SAMD4A: variants seen among roughly 807,000 people sequenced by gnomAD.
SAMD4A encodes protein Smaug homolog 1.
A neutral mutation model predicts 81.3 loss-of-function variants in SAMD4A; 33 were observed. The ratio of observed to expected loss-of-function variants is 0.41; its 90% CI spans 0.31 to 0.54. The LOEUF (loss-of-function observed/expected upper bound fraction) is 0.54, where lower values mean the gene tolerates loss of function less well. Ranked by LOEUF, SAMD4A falls within the 20% of genes least tolerant of loss-of-function variation. SAMD4A has a pLI of 0.37. For synonymous variants in SAMD4A, 389 were observed against 382.1 expected, an observed-to-expected ratio of 1.02 and a Z score of -0.21; for missense variants, 854 against 951.1, an observed-to-expected ratio of 0.90 and a Z score of 1.34.
chr14:54,678,433 T>TGTG (rs2036040355), intron 2 of SAMD4A, among the ~76,000 whole-genome samples: 8 of 81,252 alleles, frequency 9.8e-5, no homozygotes, highest in East Asian at 4.8e-4. Context: ...CAGTCACCAT[T>TGTG]TGTGTGTGTG....
intron 2 of SAMD4A, among the ~76,000 whole-genome samples, chr14:54,636,231 A>G (rs1332936537): frequency 1.3e-5 from 2 of 152,146 alleles, no homozygotes; most frequent in African/African-American, 4.8e-5. Context: ...AGGTTGTTTC[A>G]TGCACTGGGA....
chr14:54,679,117 G>A (rs898230573), intron 2 of SAMD4A, among the ~76,000 whole-genome samples: 6 of 152,202 alleles, frequency 3.9e-5, no homozygotes, highest in Admixed American at 1.3e-4. Context: ...GGGGAAACTC[G>A]CAGATAAGCT....
chr14:54,682,854 C>G (rs922494257), intron 2 of SAMD4A, among the ~76,000 whole-genome samples: 1 of 152,168 alleles, frequency 6.6e-6, no homozygotes, highest in Non-Finnish European at 1.5e-5. Context: ...AATAGGCCTG[C>G]TGAAAGAAAG....
intron 9 of SAMD4A, among the ~76,000 whole-genome samples, chr14:54,773,711 G>T (rs1566632397): frequency 6.6e-6 from 1 of 152,256 alleles, no homozygotes; most frequent in Non-Finnish European, 1.5e-5. Context: ...AGTGAAGGCA[G>T]TCTGTGTCCT....
intron 2 of SAMD4A, among the ~76,000 whole-genome samples, chr14:54,633,728 C>A (rs1031568067): frequency 6.6e-6 from 1 of 152,010 alleles, no homozygotes; most frequent in Admixed American, 6.5e-5. Context: ...AGAGGTATGA[C>A]CTTGGGCAAT....
At chr14:54,727,166 CTTTTTTTTTTTTTTTTTTTTTTTT>C (rs567831973) in intron 3 of SAMD4A, among the ~76,000 whole-genome samples, 30 of 59,186 alleles carry the variant, frequency 5.1e-4, no homozygotes, top group African/African-American at 5.4e-4. Flanking sequence ...TCTTTTTTTC[CTTTTTTTTTTTTTTTTTTTTTTTT>C]TTTTTTTTTT....
chr14:54,717,944 A>G (rs1430869065), intron 3 of SAMD4A, among the ~76,000 whole-genome samples: 3 of 141,386 alleles, frequency 2.1e-5, no homozygotes, highest in Non-Finnish European at 4.5e-5. Flanking sequence ...AAAGCTGTGT[A>G]TGGTCACAGT....
At chr14:54,683,477 G>A (rs538885340) in intron 2 of SAMD4A, among the ~76,000 whole-genome samples, 1 of 152,102 alleles carries the variant, frequency 6.6e-6, no homozygotes, top group African/African-American at 2.4e-5. Context: ...AACCATCCAC[G>A]ATACTTCATG....
At chr14:54,772,095 A>ATTAAT (rs1237474417) in intron 9 of SAMD4A, among the ~76,000 whole-genome samples, 1 of 152,230 alleles carries the variant, frequency 6.6e-6, no homozygotes, top group Non-Finnish European at 1.5e-5. Flanking sequence ...TTTTTGTGCT[A>ATTAAT]TTAATTTGCT....
rs150239461 is a variant in SAMD4A at position 54,593,648 on chromosome 14, A to T, written c.196+25536A>T. Reference sequence around the variant, plus strand: ...TTAGTTTCGCTTAATTTTGATTGAAAAATGGCCCCCCTCTAAAGGCTGGAA... The same window carrying T: ...TTAGTTTCGCTTAATTTTGATTGAATAATGGCCCCCCTCTAAAGGCTGGAA... On this transcript the variant is annotated intron_variant, in intron 2 of 12. Coordinates refer to ENST00000554335, the MANE Select transcript of SAMD4A (RefSeq NM_015589.6). Among the ~76,000 whole-genome samples the T allele has an allele frequency of 3.9e-4, 60 of 152,300 alleles. No individual in the cohort carries two copies. In the East Asian group the frequency reaches 8.3e-3, roughly 21 times the overall value.
chr14:54,571,283 T>C (rs760831180), intron 2 of SAMD4A, among the ~76,000 whole-genome samples: 2 of 152,202 alleles, frequency 1.3e-5, no homozygotes, highest in Admixed American at 6.5e-5. Context: ...GTATGTGTTT[T>C]TCTTTTAACA....
intron 11 of SAMD4A, among the ~76,000 whole-genome samples, chr14:54,778,060 A>AGGAGATCTGTC (rs1183203720): frequency 2.6e-5 from 4 of 152,310 alleles, no homozygotes; most frequent in African/African-American, 7.2e-5. Flanking sequence ...CCTGCGCACA[A>AGGAGATCTGTC]GGAGATCTGT....
intron 3 of SAMD4A, among the ~76,000 whole-genome samples, chr14:54,729,489 C>G (rs887698515): frequency 6.6e-6 from 1 of 152,208 alleles, no homozygotes; most frequent in Non-Finnish European, 1.5e-5. Flanking sequence ...CTTAAATTCA[C>G]TCCTGGCCAC....
intron 3 of SAMD4A, 144 bp from the exon 4 acceptor site, chr14:54,736,880 G>A (rs1226414312): frequency 1.1e-6 from 1 of 924,978 alleles, no homozygotes; most frequent in East Asian, 2.6e-5. Flanking sequence ...GACCATGCCA[G>A]GCCTGTATTC....
At chr14:54,721,954 T>C (rs936745518) in intron 3 of SAMD4A, among the ~76,000 whole-genome samples, 2 of 152,228 alleles carry the variant, frequency 1.3e-5, no homozygotes, top group Admixed American at 1.3e-4. Context: ...TATTATAGCA[T>C]TTTGTAGATA....
chr14:54,587,911 A>G (rs2033669219), intron 2 of SAMD4A, among the ~76,000 whole-genome samples: 1 of 152,202 alleles, frequency 6.6e-6, no homozygotes, highest in Non-Finnish European at 1.5e-5. Flanking sequence ...TAGAATGATT[A>G]GGGAGGATTC....
At chr14:54,723,190 T>C (rs1238119888) in intron 3 of SAMD4A, among the ~76,000 whole-genome samples, 1 of 152,180 alleles carries the variant, frequency 6.6e-6, no homozygotes, top group Non-Finnish European at 1.5e-5. Flanking sequence ...TGGTTTGATT[T>C]TTTGTGTAGA....
intron 3 of SAMD4A, among the ~76,000 whole-genome samples, chr14:54,727,647 A>G (rs1477578008): frequency 1.3e-5 from 2 of 152,208 alleles, no homozygotes; most frequent in African/African-American, 4.8e-5. Flanking sequence ...GAGCAAGTGC[A>G]TGGGGAGACT....
At chr14:54,566,435 A>AG (rs1240434617), upstream of SAMD4A, among the ~76,000 whole-genome samples, 1 of 151,624 alleles carries the variant, frequency 6.6e-6, no homozygotes, top group Non-Finnish European at 1.5e-5. Context: ...GTTGGAAGCT[A>AG]GCGGCTCCTT....
Sources: gnomAD v4.1 joint callset for allele counts (sites outside exome capture counted in the v4.1 genomes callset) on GRCh38, gnomAD v4.1.1 for gene constraint, MANE v1.5 for transcripts, NCBI Gene and HGNC (gene_info 2026-07-23, HGNC 2026-07-21) for gene names.